Variants in UNC93B1 observed in about 807,000 individuals in gnomAD.
UNC93B1 encodes the protein protein unc-93 homolog B1.
A neutral mutation model predicts 56.8 loss-of-function variants in UNC93B1; 33 were observed. The ratio of observed to expected loss-of-function variants is 0.58; its 90% CI spans 0.44 to 0.78. The LOEUF is 0.78. UNC93B1 is among the 30% of genes least tolerant of loss of function. The probability of loss-of-function intolerance (pLI) is 0.00; values close to 1 mark genes in which losing one functional copy is unlikely to be tolerated. For synonymous variants in UNC93B1, 334 were observed against 358.6 expected (o/e 0.93, Z 0.77); for missense variants, 673 against 819.5 (o/e 0.82, Z 2.18).
rs942901025 is a variant in UNC93B1, at chr11:67,992,240, T to C, written c.1483-383A>G. On this transcript the variant is annotated intron_variant, in intron 10 of 10. Transcript: ENST00000227471. Reference sequence around the variant, plus strand: ...GCTGTAGTGATGCTTTTCATGGGGTTTTGACTATAACCCGCAGTCAGGAAT... The same window carrying C: ...GCTGTAGTGATGCTTTTCATGGGGTCTTGACTATAACCCGCAGTCAGGAAT... 6.6e-5 allele frequency among the ~76,000 whole-genome samples: 10 copies of C among 152,374 alleles called. No individual in the cohort carries two copies. In the Middle Eastern group the frequency reaches 0.01, roughly 155 times the overall value.
intron 3 of UNC93B1, among the ~76,000 whole-genome samples, chr11:68,002,523 G>T (rs1487319432): frequency 6.6e-6 from 1 of 152,186 alleles, no homozygotes; most frequent in Non-Finnish European, 1.5e-5. Context: ...GACCGGTGAT[G>T]GGGAGGCTGA....
chr11:67,999,088 G>A, intron 5 of UNC93B1, 85 bp downstream of exon 5: 4 of 1,553,596 alleles, frequency 2.6e-6, no homozygotes, highest in Non-Finnish European at 2.6e-6. Flanking sequence ...AAGAAAGAAA[G>A]TGGGACTAGA....
chr11:67,999,401 G>A, intron 4 of UNC93B1, 96 bp from the exon 5 acceptor site: 1 of 1,550,202 alleles, frequency 6.5e-7, no homozygotes, highest in Non-Finnish European at 8.7e-7. Context: ...CCCCGGTGTG[G>A]GGAAACTGAG....
At chr11:68,000,310 T>C (rs1274049127) in intron 3 of UNC93B1, among the ~76,000 whole-genome samples, 1 of 152,216 alleles carries the variant, frequency 6.6e-6, no homozygotes, top group East Asian at 1.9e-4. Context: ...GTATTTATGC[T>C]CCTTAAGTAA....
rs186344338 is a variant in UNC93B1 at position 67,994,565 on chromosome 11, G to A, written c.1364-771C>T. The stretch of plus-strand genomic sequence containing the variant: ...TGCTATGAAGAGACAAGGACCCCCC[G>A]GGGTTCACCGGAGGAGATGGGATAT... On this transcript the variant is annotated intron_variant, in intron 9 of 10. Coordinates refer to ENST00000227471, the MANE Select transcript of UNC93B1 (RefSeq NM_030930.4). Among the ~76,000 whole-genome samples the A allele has an allele frequency of 7.5e-3, 1,141 of 152,266 alleles. 6 individuals carry two copies. The highest frequency in any genetic ancestry group is 0.017 in the Middle Eastern group (5 of 294).
At position 67,994,215 on chromosome 11, in the gene UNC93B1, A is replaced by T. The variant is rs547045805; in HGVS notation, c.1364-421T>A. The stretch of plus-strand genomic sequence containing the variant: ...CTGCAAATCAAACCTGAAGCTAAGC[A>T]TGGAGAGGGGGGATTCCTTTCCAGT... On this transcript the variant is annotated intron_variant, in intron 9 of 10. Coordinates refer to ENST00000227471, the MANE Select transcript of UNC93B1 (RefSeq NM_030930.4). Among the ~76,000 whole-genome samples the T allele has an allele frequency of 2.6e-5, 4 of 152,306 alleles. No individual in the cohort carries two copies. The East Asian group carries it at 7.7e-4, about 29-fold the overall frequency.
At chr11:68,001,693 A>T (rs568486397) in intron 3 of UNC93B1, among the ~76,000 whole-genome samples, 109 of 108,036 alleles carry the variant, frequency 1.0e-3, no homozygotes, top group African/African-American at 3.7e-3. Flanking sequence ...CACATAATTT[A>T]AAAAAAAAAA....
chr11:67,997,582 C>A, intron 7 of UNC93B1, 93 bp downstream of exon 7: 2 of 1,573,280 alleles, frequency 1.3e-6, no homozygotes, highest in Non-Finnish European at 1.7e-6. Context: ...CCGACCCAGG[C>A]CATGCCATCC....
At chr11:67,995,987 T>C in intron 8 of UNC93B1, 103 bp from the exon 9 acceptor site, 1 of 1,055,520 alleles carries the variant, frequency 9.5e-7, no homozygotes, top group Non-Finnish European at 1.3e-6. Flanking sequence ...GCGATGGGGG[T>C]CCTAAGAGCC....
intron 3 of UNC93B1, among the ~76,000 whole-genome samples, chr11:68,002,185 T>TACACACACAC (rs60629377): frequency 0.1 from 14,432 of 140,616 alleles, 834 homozygotes; most frequent in Non-Finnish European, 0.13. Flanking sequence ...CCCGCTTGCA[T>TACACACACAC]ACACACACAC....
Position 67,991,722 on chromosome 11 carries a change from G to A in UNC93B1, c.1618C>T (p.Arg540Cys), listed in dbSNP as rs1856846151. Reference protein sequence around the residue: ...PRPQHKVRGYRYLEEDNSDES... With the variant: ...PRPQHKVRGYCYLEEDNSDES... ...TCCGAGTTGTCCTCCTCCAAGTAGC[G>A]GTAACCGCGCACCTTGTGCTGGGGC... The change falls in exon 11 of 11, where the codon CGC becomes TGC. Residue 540 changes from arginine to cysteine, a missense_variant. Transcript: ENST00000227471. 3 of 1,536,886 alleles carry A rather than the reference G, an allele frequency of 2.0e-6. No homozygotes were observed. The highest frequency in any genetic ancestry group is 2.6e-6 in the Non-Finnish European group (3 of 1,148,444).
At chr11:67,997,629 C>T (rs1255046376) in intron 7 of UNC93B1, 46 bp downstream of exon 7, 10 of 1,596,824 alleles carry the variant, frequency 6.3e-6, no homozygotes, top group Non-Finnish European at 8.5e-6. Flanking sequence ...GTCCCCAGAA[C>T]CACACTCTGC....
chr11:68,002,873 C>T, intron 3 of UNC93B1, 149 bp downstream of exon 3: 1 of 1,080,312 alleles, frequency 9.3e-7, no homozygotes, highest in South Asian at 1.9e-5. Context: ...TCACCCCCTT[C>T]ACTCTCAGGC....
chr11:67,997,680 G>A lies in UNC93B1; in HGVS notation c.901C>T (p.Leu301=). The part of the protein sequence containing the change: ...VLMAVAFLAM[L]LVLGLCGAAY... Reference sequence around the variant, plus strand: ...GCCCCCATCCCGGGCCGCACCAGCAGCATGGCCAGGAAGGCCACTGCCATG... The same window carrying A: ...GCCCCCATCCCGGGCCGCACCAGCAACATGGCCAGGAAGGCCACTGCCATG... Residue 301 remains leucine, a synonymous_variant, in exon 7 of 11, where the codon CTG becomes TTG. Transcript: ENST00000227471. The A allele has an allele frequency of 6.2e-7, 1 of 1,604,002 alleles. No individual in the cohort carries two copies. The highest frequency in any genetic ancestry group is 8.5e-7 in the Non-Finnish European group (1 of 1,179,826).
intron 3 of UNC93B1, among the ~76,000 whole-genome samples, chr11:68,001,016 G>A (rs979433136): frequency 2.6e-5 from 4 of 152,080 alleles, no homozygotes; most frequent in African/African-American, 9.7e-5. Flanking sequence ...CCAACATGGT[G>A]AAACCCCGTC....
intron 10 of UNC93B1, among the ~76,000 whole-genome samples, chr11:67,993,061 C>T (rs1856875875): frequency 6.6e-6 from 1 of 152,146 alleles, no homozygotes. Context: ...CCCGTCTCGG[C>T]TAACTGCAAC....
In UNC93B1 at chr11:68,003,029, G is replaced by T. The variant is rs146593182; in HGVS notation, c.385C>A (p.Leu129Ile). ...AGGAGCAGCCGCGCCCACCTGATGA[G>T]CACAGGTGTGTAGAGCAGGGCGGCG... ...PIAALLYTPV[L>I]IRFFGTKWMM... Residue 129 changes from leucine to isoleucine, a missense_variant, in exon 3 of 11, where the codon CTC becomes ATC. Transcript: ENST00000227471. The surrounding 1 kb of genome is among the most constrained non-coding windows in gnomAD (Gnocchi z 4.4). The T allele has an allele frequency of 2.9e-3, 4,656 of 1,611,194 alleles. 24 individuals carry two copies. In the Middle Eastern group the frequency reaches 0.037, roughly 13 times the overall value.
At chr11:67,993,581 G>A in intron 10 of UNC93B1, 95 bp downstream of exon 10, 4 of 843,808 alleles carry the variant, frequency 4.7e-6, no homozygotes, top group East Asian at 2.7e-5. Context: ...GACTGGCTTG[G>A]GAAGGGGTGG....
In UNC93B1 at chr11:67,994,180, G is replaced by A. The variant is rs181784212; in HGVS notation, c.1364-386C>T. On this transcript the variant is annotated intron_variant, in intron 9 of 10. Transcript: ENST00000227471. ...GACTAGAGAGATCGAACTGTTTGCAGCTGCCAACTCTGCAAATCAAACCTG... is the reference window on the plus strand; with the variant it reads ...GACTAGAGAGATCGAACTGTTTGCAACTGCCAACTCTGCAAATCAAACCTG... Among the ~76,000 whole-genome samples the A allele has an allele frequency of 1.4e-3, 215 of 152,330 alleles. 1 individual carries two copies. The highest frequency in any genetic ancestry group is 3.6e-3 in the African/African-American group (151 of 41,568).
Sources: gnomAD v4.1 joint callset for allele counts (sites outside exome capture counted in the v4.1 genomes callset) on GRCh38, gnomAD v4.1.1 for gene constraint, Gnocchi (gnomAD v3.1) non-coding constraint, MANE v1.5 for transcripts, NCBI Gene and HGNC (gene_info 2026-07-23, HGNC 2026-07-21) for gene names.